Variants in PDE1C observed in about 807,000 individuals in gnomAD.
PDE1C encodes the protein phosphodiesterase 1C.
Under a neutral mutation model 93.1 loss-of-function variants are expected in PDE1C, and 62 were observed. The ratio of observed to expected loss-of-function variants is 0.67; its 90% CI spans 0.54 to 0.82. The LOEUF is 0.82. PDE1C is among the 40% of genes least tolerant of loss of function. The pLI is 0.00. For synonymous variants in PDE1C, 325 were observed against 310.1 expected (o/e 1.05, Z -0.50); for missense variants, 742 against 884.6 (o/e 0.84, Z 2.04).
chr7:31,698,503 C>A, the PDE1C span, among the ~76,000 whole-genome samples: 1 of 152,214 alleles, frequency 6.6e-6, no homozygotes, highest in Non-Finnish European at 1.5e-5. Flanking sequence ...TTTCTACATA[C>A]CAGCTTTTCT....
chr7:31,665,387 T>C, the PDE1C span, among the ~76,000 whole-genome samples: 2 of 152,228 alleles, frequency 1.3e-5, no homozygotes, highest in Non-Finnish European at 2.9e-5. Context: ...CTTTATTAGC[T>C]GTCTCTCCTA....
intron 2 of PDE1C, among the ~76,000 whole-genome samples, chr7:32,191,432 A>T (rs528718009): frequency 9.3e-5 from 14 of 151,278 alleles, no homozygotes; most frequent in African/African-American, 3.4e-4. Context: ...TCTGTTCTCT[A>T]TCTTTATAGT....
chr7:31,914,936 T>C (rs533205766), intron 2 of PDE1C, among the ~76,000 whole-genome samples: 1 of 152,332 alleles, frequency 6.6e-6, no homozygotes, highest in African/African-American at 2.4e-5. Flanking sequence ...TGTTTTCTCA[T>C]CTGCCCCCAA....
intron 2 of PDE1C, among the ~76,000 whole-genome samples, chr7:31,919,171 A>G (rs1353030905): frequency 6.6e-6 from 1 of 152,238 alleles, no homozygotes; most frequent in Non-Finnish European, 1.5e-5. Context: ...CCATGGTGCC[A>G]GGGCATAACC....
intron 1 of PDE1C, among the ~76,000 whole-genome samples, chr7:32,350,172 CAAT>C (rs1783935629): frequency 6.6e-6 from 1 of 152,028 alleles, no homozygotes; most frequent in South Asian, 2.1e-4. Context: ...AAATTAAACA[CAAT>C]AATATAATGA....
At chr7:31,631,848 A>T in the PDE1C span, among the ~76,000 whole-genome samples, 1 of 152,216 alleles carries the variant, frequency 6.6e-6, no homozygotes, top group Non-Finnish European at 1.5e-5. Flanking sequence ...TTGTCTCAGG[A>T]TTATTTTCAA....
At chr7:32,204,567 T>A (rs935414645) in intron 2 of PDE1C, among the ~76,000 whole-genome samples, 1 of 152,226 alleles carries the variant, frequency 6.6e-6, no homozygotes, top group African/African-American at 2.4e-5. Flanking sequence ...AGGAGAGGGA[T>A]GCCACCAAAA....
chr7:32,052,174 G>A (rs1793473014), intron 1 of PDE1C: 2 of 397,716 alleles, frequency 5.0e-6, no homozygotes, highest in South Asian at 1.8e-5. Context: ...AAGTGAGGAA[G>A]GGGACAATGA....
intron 1 of PDE1C, among the ~76,000 whole-genome samples, chr7:32,276,111 A>G (rs141236055): frequency 5.8e-4 from 89 of 152,344 alleles, no homozygotes; most frequent in African/African-American, 2.1e-3. Context: ...TCCTGATAAT[A>G]TCAACAATAA....
At chr7:31,737,727 G>A in the PDE1C span, among the ~76,000 whole-genome samples, 8 of 150,874 alleles carry the variant, frequency 5.3e-5, no homozygotes, top group Admixed American at 1.3e-4. Context: ...GCTTGACTTA[G>A]GAGGCGGAGG....
At chr7:32,312,535 A>G (rs1160790184) in intron 1 of PDE1C, among the ~76,000 whole-genome samples, 7 of 152,240 alleles carry the variant, frequency 4.6e-5, no homozygotes, top group Admixed American at 3.9e-4. Context: ...CCAAAACAGC[A>G]TGGTACTGGT....
chr7:32,256,407 C>T (rs1373443626), intron 1 of PDE1C, among the ~76,000 whole-genome samples: 7 of 152,340 alleles, frequency 4.6e-5, no homozygotes, highest in African/African-American at 1.4e-4. Context: ...GGCAATCAGG[C>T]ATCTGAGCCA....
chr7:31,919,738 G>C (rs568005243), intron 2 of PDE1C, among the ~76,000 whole-genome samples: 5 of 152,290 alleles, frequency 3.3e-5, no homozygotes, highest in Admixed American at 2.6e-4. Flanking sequence ...GCTGCACCAG[G>C]CTTTACCTTA....
chr7:31,934,084 G>C (rs1804693350), intron 2 of PDE1C, among the ~76,000 whole-genome samples: 1 of 152,188 alleles, frequency 6.6e-6, no homozygotes, highest in African/African-American at 2.4e-5. Context: ...AAAAGAAACA[G>C]GGAATTGTCT....
chr7:32,387,469 C>T (rs1299473711), intron 1 of PDE1C, among the ~76,000 whole-genome samples: 1 of 151,558 alleles, frequency 6.6e-6, no homozygotes, highest in African/African-American at 2.4e-5. Flanking sequence ...AAGCGCCCCT[C>T]ACCTCCTGGA....
At chr7:31,928,468 A>G (rs1803696167) in intron 2 of PDE1C, among the ~76,000 whole-genome samples, 1 of 143,110 alleles carries the variant, frequency 7.0e-6, no homozygotes, top group South Asian at 2.1e-4. Context: ...AGTAACCCCA[A>G]GAAACATAAC....
chr7:32,398,591 A>T (rs2128094879), intron 1 of PDE1C, among the ~76,000 whole-genome samples: 1 of 151,872 alleles, frequency 6.6e-6, no homozygotes, highest in East Asian at 2.0e-4. Flanking sequence ...GTTTCACCAT[A>T]TTGGCCAGGC....
chr7:31,886,282 A>C (rs1336616932), intron 2 of PDE1C, among the ~76,000 whole-genome samples: 1 of 152,228 alleles, frequency 6.6e-6, no homozygotes, highest in Non-Finnish European at 1.5e-5. Context: ...CCTAAATGCC[A>C]TAGGAAATAA....
At chr7:31,861,105 G>C (rs1355189138) in intron 7 of PDE1C, among the ~76,000 whole-genome samples, 5 of 152,082 alleles carry the variant, frequency 3.3e-5, no homozygotes, top group Admixed American at 6.6e-5. Context: ...CATGTTGCCA[G>C]AGTGAATGGT....
Sources: allele counts gnomAD v4.1 joint callset (sites outside exome capture counted in the v4.1 genomes callset), GRCh38; gene constraint gnomAD v4.1.1; transcripts MANE v1.5; gene names NCBI Gene and HGNC (gene_info 2026-07-23, HGNC 2026-07-21).